Variants in RHOBTB2 observed in about 807,000 individuals in gnomAD.
RHOBTB2 encodes the protein rho-related BTB domain-containing protein 2.
In RHOBTB2, 39 loss-of-function variants were observed where a neutral mutation model predicts 66.5. The ratio of observed to expected loss-of-function variants is 0.59; its 90% CI spans 0.45 to 0.77. RHOBTB2 has a LOEUF of 0.77. RHOBTB2 is among the 30% of genes least tolerant of loss of function. RHOBTB2 has a pLI of 0.00. For synonymous variants in RHOBTB2, 390 were observed against 395.0 expected, an observed-to-expected ratio of 0.99 and a Z score of 0.15; for missense variants, 755 against 999.1, an observed-to-expected ratio of 0.76 and a Z score of 3.29.
rs111696631 is a variant in RHOBTB2, at chr8:22,992,647, A to G, written c.-24+467A>G. 8.2e-3 allele frequency among the ~76,000 whole-genome samples: 1,256 copies of G among 152,338 alleles called. 22 individuals are homozygous for G. The highest frequency in any genetic ancestry group is 0.028 in the African/African-American group (1,149 of 41,582). ...CCAGGCCCTGTCCTGAGATATCACCATCCCAGGGGACTTAGAGTGGATCAA... is the reference window on the plus strand; with the variant it reads ...CCAGGCCCTGTCCTGAGATATCACCGTCCCAGGGGACTTAGAGTGGATCAA... On this transcript the variant is annotated intron_variant, in intron 2 of 11. Transcript: ENST00000519685.
At chr8:22,955,625 A>G in the RHOBTB2 span, among the ~76,000 whole-genome samples, 1 of 143,714 alleles carries the variant, frequency 7.0e-6, no homozygotes, top group African/African-American at 2.6e-5. Context: ...GCTGGAGTAC[A>G]GTGGCATGAT....
At chr8:22,964,584 T>C in the RHOBTB2 span, among the ~76,000 whole-genome samples, 1 of 152,108 alleles carries the variant, frequency 6.6e-6, no homozygotes, top group Non-Finnish European at 1.5e-5. Context: ...CCATCTCTGA[T>C]TGTCCCCCAG....
At chr8:22,995,073 C>T (rs1354475528), upstream of RHOBTB2, among the ~76,000 whole-genome samples, 1 of 152,138 alleles carries the variant, frequency 6.6e-6, no homozygotes. Flanking sequence ...GTTCAAAATA[C>T]CTTTTCGAAT....
chr8:22,951,793 G>A, the RHOBTB2 span, among the ~76,000 whole-genome samples: 1 of 152,134 alleles, frequency 6.6e-6, no homozygotes, highest in Non-Finnish European at 1.5e-5. Flanking sequence ...GGATGTATAC[G>A]TGCAGGTCAC....
Position 23,014,437 on chromosome 8 carries a change from G to A in RHOBTB2, c.1772-253G>A, listed in dbSNP as rs539696637. ...TATCAGATTATGTCACGGGACATAC[G>A]TAGTTTGAAAAATCCTCTTAGGTAA... On this transcript the variant is annotated intron_variant, in intron 7 of 9. Transcript: ENST00000251822. 5.0e-4 allele frequency among the ~76,000 whole-genome samples: 76 copies of A among 152,254 alleles called. 1 individual carries two copies. The highest frequency in any genetic ancestry group is 1.7e-3 in the African/African-American group (70 of 41,526).
At chr8:22,958,802 GAAAAAAAAAAAA>G in the RHOBTB2 span, among the ~76,000 whole-genome samples, 1 of 52,190 alleles carries the variant, frequency 1.9e-5, no homozygotes, top group Non-Finnish European at 3.2e-5. Flanking sequence ...GCCCCTCTCT[GAAAAAAAAAAAA>G]AAAAAAAAAA....
chr8:22,988,153 CTTTTTTTTTTTTT>C (rs34922844), intron 1 of RHOBTB2, among the ~76,000 whole-genome samples: 1 of 78,112 alleles, frequency 1.3e-5, no homozygotes, highest in Non-Finnish European at 2.5e-5. Flanking sequence ...GCTCCTTCCC[CTTTTTTTTTTTTT>C]TTTTTTTTTT....
the RHOBTB2 span, among the ~76,000 whole-genome samples, chr8:22,964,816 A>G: frequency 8.6e-4 from 128 of 149,544 alleles, 1 homozygote; most frequent in Admixed American, 3.5e-3. Context: ...TTATTTATTT[A>G]TTTATTTATT....
upstream of RHOBTB2, chr8:22,994,663 C>A: frequency 1.3e-6 from 2 of 1,536,502 alleles, no homozygotes; most frequent in Non-Finnish European, 1.8e-6. Flanking sequence ...GTGTACTGTG[C>A]TCTCCCTTCC....
rs879846552 is a variant in RHOBTB2 at position 23,007,043 on chromosome 8, G to C, written c.798G>C (p.Ala266=). 1 of 1,609,722 alleles carries C rather than the reference G, an allele frequency of 6.2e-7. No individual in the cohort carries two copies. The part of the protein sequence containing the change: ...PAHLLEDPLC[A]DVILVLQERV... Reference sequence around the variant, plus strand: ...ACCTCCTGGAGGACCCGCTCTGCGCGGACGTCATCCTGGTGCTGCAGGAGC... The same window carrying C: ...ACCTCCTGGAGGACCCGCTCTGCGCCGACGTCATCCTGGTGCTGCAGGAGC... Residue 266 remains alanine, a synonymous_variant, in exon 5 of 10, where the codon GCG becomes GCC. Transcript: ENST00000251822.
the RHOBTB2 span, among the ~76,000 whole-genome samples, chr8:22,977,655 C>T: frequency 1.3e-5 from 2 of 150,556 alleles, no homozygotes; most frequent in African/African-American, 4.9e-5. Flanking sequence ...GGTAGGAGAA[C>T]TGGTTAATTC....
At chr8:22,951,395 T>G in the RHOBTB2 span, among the ~76,000 whole-genome samples, 1 of 151,940 alleles carries the variant, frequency 6.6e-6, no homozygotes, top group Non-Finnish European at 1.5e-5. Context: ...CGCGCATCCA[T>G]GTAAAGAGTC....
At chr8:22,982,258 T>C in the RHOBTB2 span, among the ~76,000 whole-genome samples, 2 of 152,194 alleles carry the variant, frequency 1.3e-5, no homozygotes, top group Non-Finnish European at 2.9e-5. Flanking sequence ...CTCCTGGCCT[T>C]CCCACCTGCT....
At chr8:23,014,822 A>C (rs777013347) in intron 8 of RHOBTB2, 44 bp downstream of exon 8, 2 of 1,501,720 alleles carry the variant, frequency 1.3e-6, no homozygotes, top group Non-Finnish European at 1.8e-6. Context: ...TCAGTTCTAC[A>C]CTCTGCCTGC....
intron 7 of RHOBTB2, among the ~76,000 whole-genome samples, chr8:23,012,499 A>C (rs1026529418): frequency 6.6e-6 from 1 of 152,252 alleles, no homozygotes; most frequent in Non-Finnish European, 1.5e-5. Context: ...GCGATGGTTT[A>C]AGTTTTGTGA....
At chr8:22,978,355 C>T in the RHOBTB2 span, among the ~76,000 whole-genome samples, 7 of 151,454 alleles carry the variant, frequency 4.6e-5, no homozygotes, top group African/African-American at 1.7e-4. Flanking sequence ...GGCGTGTTGG[C>T]GGGTGCCTGT....
the RHOBTB2 span, among the ~76,000 whole-genome samples, chr8:22,960,935 C>A: frequency 2.0e-5 from 3 of 152,200 alleles, no homozygotes; most frequent in African/African-American, 7.2e-5. Context: ...AAAGTTATTT[C>A]TAGCCCTGAT....
chr8:22,955,733 C>T, the RHOBTB2 span, among the ~76,000 whole-genome samples: 1 of 151,994 alleles, frequency 6.6e-6, no homozygotes, highest in Non-Finnish European at 1.5e-5. Flanking sequence ...CCATGACCAA[C>T]TAATTTATAA....
the RHOBTB2 span, among the ~76,000 whole-genome samples, chr8:22,973,720 C>T: frequency 2.0e-5 from 3 of 152,168 alleles, no homozygotes; most frequent in African/African-American, 7.2e-5. Context: ...AAATCTCCCT[C>T]CTTGCTAAGG....
Sources: gnomAD v4.1 joint callset for allele counts (sites outside exome capture counted in the v4.1 genomes callset) on GRCh38, gnomAD v4.1.1 for gene constraint, MANE v1.5 for transcripts, NCBI Gene and HGNC (gene_info 2026-07-23, HGNC 2026-07-21) for gene names.